Variants in PREX2 observed in about 807,000 individuals in gnomAD.
PREX2 encodes phosphatidylinositol 3,4,5-trisphosphate-dependent Rac exchanger 2 protein.
A neutral mutation model predicts 203.2 loss-of-function variants in PREX2; 107 were observed. The observed-to-expected ratio is 0.53, with a 90% CI of 0.45 to 0.62. The LOEUF (loss-of-function observed/expected upper bound fraction) is 0.62. Among genes scored for constraint, PREX2 ranks in the 20% least tolerant of loss-of-function variants. The probability of loss-of-function intolerance (pLI) is 0.00; values close to 1 mark genes in which losing one functional copy is unlikely to be tolerated. For synonymous variants in PREX2, 672 were observed against 663.6 expected (o/e 1.01, Z -0.19); for missense variants, 1,777 against 1,955.9 (o/e 0.91, Z 1.72).
intron 20 of PREX2, among the ~76,000 whole-genome samples, chr8:68,091,476 A>G (rs1809871942): frequency 6.6e-6 from 1 of 152,214 alleles, no homozygotes; most frequent in African/African-American, 2.4e-5. Flanking sequence ...TGAAGTACTC[A>G]TTTCTGGATT....
At chr8:68,081,054 C>G (rs78665656) in intron 17 of PREX2, among the ~76,000 whole-genome samples, 1 of 151,974 alleles carries the variant, frequency 6.6e-6, no homozygotes, top group African/African-American at 2.4e-5. Context: ...TAATAGGGGC[C>G]GGGAGGTGGT....
intron 21 of PREX2, chr8:68,094,944 G>A (rs746318270): frequency 6.6e-6 from 1 of 152,108 alleles, no homozygotes; most frequent in Admixed American, 6.6e-5. Flanking sequence ...CCCTTCCTTG[G>A]GTTCAGTTAT....
intron 30 of PREX2, among the ~76,000 whole-genome samples, chr8:68,124,995 T>A (rs1810859959): frequency 6.6e-6 from 1 of 152,086 alleles, no homozygotes; most frequent in Admixed American, 6.6e-5. Context: ...GTAACAGCTG[T>A]GATTGTCACC....
intron 20 of PREX2, among the ~76,000 whole-genome samples, chr8:68,092,343 G>A (rs1315562665): frequency 2.0e-5 from 3 of 152,176 alleles, no homozygotes; most frequent in African/African-American, 7.2e-5. Flanking sequence ...ATGTTAATTA[G>A]CATTTTAATG....
chr8:68,010,802 G>C (rs1294864257), intron 1 of PREX2, among the ~76,000 whole-genome samples: 1 of 152,038 alleles, frequency 6.6e-6, no homozygotes, highest in Non-Finnish European at 1.5e-5. Context: ...AATTTTGAAG[G>C]CTTCCAAACA....
At chr8:68,166,625 T>A (rs1038057800) in intron 35 of PREX2, among the ~76,000 whole-genome samples, 2 of 152,280 alleles carry the variant, frequency 1.3e-5, no homozygotes, top group Admixed American at 6.5e-5. Flanking sequence ...AATCTTTCAA[T>A]TGTCAATTGT....
chr8:68,025,477 A>G (rs1334714344), intron 4 of PREX2, among the ~76,000 whole-genome samples: 2 of 151,848 alleles, frequency 1.3e-5, no homozygotes. Context: ...TGATGTGTTT[A>G]TGTGTGGGGA....
rs564300820 is a variant in PREX2 at position 68,025,913 on chromosome 8, G to A, written c.442-1309G>A. Among the ~76,000 whole-genome samples the A allele has an allele frequency of 5.9e-5, 9 of 152,234 alleles. No individual in the cohort carries two copies. The East Asian group carries it at 1.7e-3, about 29-fold the overall frequency. On this transcript the variant is annotated intron_variant, in intron 4 of 39. Coordinates refer to ENST00000288368, the MANE Select transcript of PREX2 (RefSeq NM_024870.4). ...AAAAGTGGGCTAGACAGCCCTGAGT[G>A]ATTTTAGGACACTTCAGTCCAGAGG... is the stretch of plus-strand genomic sequence containing the variant.
intron 35 of PREX2, among the ~76,000 whole-genome samples, chr8:68,171,271 G>A (rs1166938910): frequency 6.6e-6 from 1 of 152,154 alleles, no homozygotes; most frequent in Non-Finnish European, 1.5e-5. Flanking sequence ...TTTAAAGAAA[G>A]TTTTAAAAGC....
chr8:68,209,975 C>T (rs533926239), intron 37 of PREX2, among the ~76,000 whole-genome samples: 1 of 152,244 alleles, frequency 6.6e-6, no homozygotes, highest in South Asian at 2.1e-4. Context: ...AAAACAAGAT[C>T]ATATTTATCC....
At chr8:68,033,147 AT>A (rs1807937441) in intron 6 of PREX2, among the ~76,000 whole-genome samples, 2 of 152,146 alleles carry the variant, frequency 1.3e-5, no homozygotes, top group African/African-American at 4.8e-5. Flanking sequence ...CCTATCTAGT[AT>A]TTTGTTCTAC....
chr8:68,145,088 T>C (rs2129613637), intron 33 of PREX2, among the ~76,000 whole-genome samples: 1 of 152,304 alleles, frequency 6.6e-6, no homozygotes, highest in African/African-American at 2.4e-5. Context: ...TTTTCTTTAG[T>C]GTCCATAGTT....
intron 3 of PREX2, among the ~76,000 whole-genome samples, 175 bp downstream of exon 3, chr8:68,019,846 C>G (rs1235941816): frequency 6.6e-6 from 1 of 152,142 alleles, no homozygotes; most frequent in East Asian, 1.9e-4. Flanking sequence ...GGGAGAGTGC[C>G]TCACATCATC....
intron 14 of PREX2, among the ~76,000 whole-genome samples, chr8:68,074,625 T>C (rs1809293111): frequency 6.6e-6 from 1 of 152,204 alleles, no homozygotes; most frequent in Non-Finnish European, 1.5e-5. Flanking sequence ...AATGGAAGGA[T>C]AAGAGAACAA....
chr8:67,960,185 G>C (rs1468560427), intron 1 of PREX2, among the ~76,000 whole-genome samples: 1 of 152,048 alleles, frequency 6.6e-6, no homozygotes, highest in Admixed American at 6.5e-5. Flanking sequence ...GGGACTACAG[G>C]CACATGCCAC....
chr8:68,164,198 GA>G lies in PREX2; in HGVS notation c.4346+6765del, dbSNP rs1037360662. 7.8e-4 allele frequency among the ~76,000 whole-genome samples: 118 copies of G among 152,210 alleles called. 1 individual carries two copies. Among genetic ancestry groups the G allele is most frequent in the African/African-American group, 2.6e-3 (108 of 41,538 alleles). ...ATGGCAAAGAGGAAAAAGGAGTCAG[GA>G]AAGAATAGAAGTAAACAATAGAACA... is the stretch of plus-strand genomic sequence containing the variant. On this transcript the variant is annotated intron_variant, in intron 35 of 39. Coordinates refer to ENST00000288368, the MANE Select transcript of PREX2 (RefSeq NM_024870.4).
At chr8:68,101,369 T>C (rs1810258045) in intron 23 of PREX2, 2 of 518,762 alleles carry the variant, frequency 3.9e-6, no homozygotes, top group African/African-American at 3.8e-5. Flanking sequence ...TGAGTTGAGT[T>C]TGCATTACTA....
At position 68,235,564 on chromosome 8, in the gene PREX2, T is replaced by C. The variant is rs1006356308; in HGVS notation, c.*4186T>C. 2 of 152,278 alleles carry C rather than the reference T, an allele frequency of 1.3e-5. No homozygotes were observed. Among genetic ancestry groups the C allele is most frequent in the Admixed American group, 6.5e-5 (1 of 15,280 alleles). 9.4% of individuals were successfully genotyped at this position (152,278 alleles called of 1,614,324 possible). On this transcript the variant is annotated 3_prime_UTR_variant, in exon 40 of 40. Coordinates refer to ENST00000288368, the MANE Select transcript of PREX2 (RefSeq NM_024870.4). Reference sequence around the variant, plus strand: ...AATTTTGATTGAGAAAAATAATCTGTCTTCTATCGAATGTTTGAACTTTTA... The same window carrying C: ...AATTTTGATTGAGAAAAATAATCTGCCTTCTATCGAATGTTTGAACTTTTA...
At chr8:67,958,914 C>T (rs964985782) in intron 1 of PREX2, among the ~76,000 whole-genome samples, 1 of 152,062 alleles carries the variant, frequency 6.6e-6, no homozygotes, top group Non-Finnish European at 1.5e-5. Flanking sequence ...TTGAGCTGAG[C>T]CACAAATACT....
Sources: allele counts gnomAD v4.1 joint callset (sites outside exome capture counted in the v4.1 genomes callset), GRCh38; gene constraint gnomAD v4.1.1; transcripts MANE v1.5; gene names NCBI Gene and HGNC (gene_info 2026-07-23, HGNC 2026-07-21).